The following ACYP2 variants were observed in gnomAD, a reference collection of about 807,000 sequenced individuals.
The protein encoded by ACYP2 is acylphosphatase 2, also known as acylphosphatase-2.
A neutral mutation model predicts 11.2 loss-of-function variants in ACYP2; 12 were observed. The observed-to-expected ratio is 1.08, with a 90% CI of 0.69 to 1.74. The LOEUF is 1.74. ACYP2 is among the 40% of genes most tolerant of loss of function. The pLI is 0.00. For synonymous variants in ACYP2, 43 were observed against 32.2 expected, an observed-to-expected ratio of 1.33 and a Z score of -1.13; for missense variants, 134 against 101.9, an observed-to-expected ratio of 1.31 and a Z score of -1.35.
At chr2:53,986,386 G>T (rs528229069) in intron 2 of ACYP2, among the ~76,000 whole-genome samples, 8 of 151,566 alleles carry the variant, frequency 5.3e-5, no homozygotes, top group Admixed American at 2.0e-4. Flanking sequence ...GCCAAGGCTG[G>T]AGTGCAGTGG....
intron 4 of ACYP2, among the ~76,000 whole-genome samples, chr2:54,066,262 G>C (rs375243277): frequency 6.6e-6 from 1 of 152,162 alleles, no homozygotes; most frequent in Non-Finnish European, 1.5e-5. Context: ...TTAGAAGTGC[G>C]TGGTGGATCC....
chr2:54,164,459 G>C (rs1178962035), intron 6 of ACYP2, among the ~76,000 whole-genome samples: 1 of 152,150 alleles, frequency 6.6e-6, no homozygotes, highest in Non-Finnish European at 1.5e-5. Flanking sequence ...GAATTCAAAT[G>C]ACAGACTGGA....
intron 4 of ACYP2, among the ~76,000 whole-genome samples, chr2:54,090,650 C>T (rs756057427): frequency 2.0e-5 from 3 of 152,162 alleles, no homozygotes; most frequent in African/African-American, 7.2e-5. Flanking sequence ...CAAAATGAAA[C>T]GGTGTTTCCT....
rs541173572 is a variant in ACYP2, at chr2:54,031,574, C to T, written c.63-19384C>T. ...AAGTCTTTGCTATTGTGAATAGTGC[C>T]GCAATAAACATACATGTGCATGTGT... On this transcript the variant is annotated intron_variant, in intron 2 of 6. Transcript: ENST00000607452. Among the ~76,000 whole-genome samples, 409 of 152,064 alleles carry T rather than the reference C, an allele frequency of 2.7e-3. 1 individual carries two copies. The highest frequency in any genetic ancestry group is 4.0e-3 in the Non-Finnish European group (274 of 68,002).
chr2:54,026,953 A>C (rs541721020), intron 2 of ACYP2, among the ~76,000 whole-genome samples: 1 of 152,328 alleles, frequency 6.6e-6, no homozygotes, highest in South Asian at 2.1e-4. Context: ...CACTGGGTAC[A>C]GTGTACACTG....
chr2:54,236,227 C>A (rs1234387042), intron 6 of ACYP2, among the ~76,000 whole-genome samples: 1 of 152,070 alleles, frequency 6.6e-6, no homozygotes, highest in Non-Finnish European at 1.5e-5. Context: ...AGGTGTGAGC[C>A]ACTGTGCCCA....
chr2:54,272,376 T>G (rs1347011378), intron 6 of ACYP2, among the ~76,000 whole-genome samples: 1 of 152,180 alleles, frequency 6.6e-6, no homozygotes, highest in Non-Finnish European at 1.5e-5. Flanking sequence ...TATGAGGAAC[T>G]AGGGAGGGAT....
chr2:54,127,750 CAAAAAAAA>C (rs3068999), intron 4 of ACYP2, among the ~76,000 whole-genome samples: 4 of 90,490 alleles, frequency 4.4e-5, no homozygotes, highest in African/African-American at 1.5e-4. Flanking sequence ...GAGACTGTCT[CAAAAAAAA>C]AAAAAAAAAA....
chr2:54,202,490 C>G (rs10209379), intron 6 of ACYP2, among the ~76,000 whole-genome samples: 1,707 of 149,538 alleles, frequency 0.011, 38 homozygotes, highest in African/African-American at 0.04. Context: ...TCGCTGCAAC[C>G]TCTGCCTCCC....
intron 6 of ACYP2, among the ~76,000 whole-genome samples, chr2:54,191,672 C>G (rs989930273): frequency 2.0e-5 from 3 of 152,170 alleles, no homozygotes; most frequent in Non-Finnish European, 4.4e-5. Flanking sequence ...TGCTGTGTAA[C>G]TATTAACCAT....
At chr2:54,216,211 A>G (rs1265027553) in intron 6 of ACYP2, among the ~76,000 whole-genome samples, 2 of 152,172 alleles carry the variant, frequency 1.3e-5, no homozygotes, top group Admixed American at 1.3e-4. Context: ...CTAAACTTTT[A>G]TATTTAGTTC....
At chr2:54,055,814 T>G (rs1676111496) in intron 3 of ACYP2, among the ~76,000 whole-genome samples, 1 of 152,234 alleles carries the variant, frequency 6.6e-6, no homozygotes, top group Non-Finnish European at 1.5e-5. Context: ...ATTCTGAAGT[T>G]AGAGAAATAT....
intron 3 of ACYP2, chr2:54,051,618 G>A: frequency 1.3e-6 from 1 of 743,178 alleles, no homozygotes; most frequent in South Asian, 1.4e-5. Flanking sequence ...ACTGCTGCAG[G>A]TGACAAGCAG....
chr2:54,027,837 C>CTTTCTTTTTTTTT (rs772573473), intron 2 of ACYP2, among the ~76,000 whole-genome samples: 9 of 97,896 alleles, frequency 9.2e-5, no homozygotes, highest in African/African-American at 1.7e-4. Context: ...TTCTTTCTTT[C>CTTTCTTTTTTTTT]TTTTTTTTTT....
chr2:54,278,574 A>G (rs1331767624), intron 6 of ACYP2, among the ~76,000 whole-genome samples: 8 of 152,288 alleles, frequency 5.3e-5, no homozygotes, highest in African/African-American at 1.9e-4. Flanking sequence ...AACTGCTAGG[A>G]TTGATTAGCA....
At chr2:54,114,126 T>G (rs1052307344) in intron 4 of ACYP2, among the ~76,000 whole-genome samples, 1 of 152,194 alleles carries the variant, frequency 6.6e-6, no homozygotes, top group African/African-American at 2.4e-5. Flanking sequence ...CAGATTGCAG[T>G]GGATTATTTT....
intron 6 of ACYP2, 28 bp downstream of exon 3, chr2:54,138,776 A>C (rs1235967603): frequency 8.9e-6 from 14 of 1,564,512 alleles, no homozygotes; most frequent in Non-Finnish European, 1.2e-5. Flanking sequence ...TAACATGTAC[A>C]TGAAATTTAT....
intron 4 of ACYP2, among the ~76,000 whole-genome samples, chr2:54,059,866 A>G (rs1477179468): frequency 6.6e-6 from 1 of 152,232 alleles, no homozygotes; most frequent in Non-Finnish European, 1.5e-5. Context: ...TCCTGTTAGA[A>G]CTGGGAAAGG....
intron 2 of ACYP2, among the ~76,000 whole-genome samples, chr2:54,011,708 C>T (rs1673382813): frequency 6.7e-6 from 1 of 148,160 alleles, no homozygotes; most frequent in African/African-American, 2.5e-5. Flanking sequence ...GTATTTTCAG[C>T]CATTTTATAT....
Sources: allele counts gnomAD v4.1 joint callset (sites outside exome capture counted in the v4.1 genomes callset), GRCh38; gene constraint gnomAD v4.1.1; transcripts MANE v1.5; gene names NCBI Gene and HGNC (gene_info 2026-07-23, HGNC 2026-07-21).